Variants in KDM1A observed in about 807,000 individuals in gnomAD.
KDM1A encodes lysine-specific histone demethylase 1A.
In KDM1A, 49 loss-of-function variants were observed where a neutral mutation model predicts 109.4. That is an observed-to-expected ratio of 0.45 (90% confidence interval 0.36 to 0.57). The LOEUF (loss-of-function observed/expected upper bound fraction) is 0.57, where lower values mean the gene tolerates loss of function less well. KDM1A is among the 20% of genes least tolerant of loss of function. The pLI, the probability that KDM1A is intolerant of heterozygous loss-of-function variation, is 0.00. For synonymous variants in KDM1A, 380 were observed against 415.4 expected, an observed-to-expected ratio of 0.91 and a Z score of 1.04; for missense variants, 668 against 1,116.6, an observed-to-expected ratio of 0.60 and a Z score of 5.73.
At chr1:23,067,950 C>T (rs899846979) in intron 10 of KDM1A, among the ~76,000 whole-genome samples, 1 of 152,162 alleles carries the variant, frequency 6.6e-6, no homozygotes, top group African/African-American at 2.4e-5. Flanking sequence ...TTTGTACATT[C>T]AATTCTGAAC....
At chr1:23,064,747 C>A (rs567228509) in intron 9 of KDM1A, among the ~76,000 whole-genome samples, 5 of 152,188 alleles carry the variant, frequency 3.3e-5, no homozygotes, top group Non-Finnish European at 5.9e-5. Flanking sequence ...GCTTCCCTTC[C>A]CCTGGACACA....
At position 23,077,175 on chromosome 1, in the gene KDM1A, A is replaced by G. The variant is rs1643491741; in HGVS notation, c.1735-53A>G. 5 of 1,574,454 alleles carry G rather than the reference A, an allele frequency of 3.2e-6. No individual in the cohort carries two copies. The East Asian group carries it at 1.1e-4, about 36-fold the overall frequency. ...TTGTTGTTGTACAGAACTAGGTGCA[A>G]ATGACACAGATTAATAAAAGGTTGG... On this transcript the variant is annotated intron_variant, in intron 15 of 20. Transcript: ENST00000400181.
chr1:23,023,831 A>G (rs1379539521), intron 1 of KDM1A, among the ~76,000 whole-genome samples: 3 of 152,078 alleles, frequency 2.0e-5, no homozygotes, highest in Admixed American at 2.0e-4. Flanking sequence ...CTCCTACAAG[A>G]AAGATTTCTT....
chr1:23,063,231 G>GTGT (rs1643064367), intron 9 of KDM1A, among the ~76,000 whole-genome samples: 8 of 29,552 alleles, frequency 2.7e-4, no homozygotes, highest in African/African-American at 6.8e-4. Context: ...GGTGTGTGTG[G>GTGT]GTGTGTGTGT....
chr1:23,046,452 A>AT (rs1642506955), intron 3 of KDM1A, among the ~76,000 whole-genome samples: 1 of 152,138 alleles, frequency 6.6e-6, no homozygotes, highest in South Asian at 2.1e-4. Flanking sequence ...AAATCTAGTT[A>AT]TAGTTATCTA....
At chr1:23,042,929 AG>A (rs1642395761) in intron 2 of KDM1A, among the ~76,000 whole-genome samples, 1 of 150,998 alleles carries the variant, frequency 6.6e-6, no homozygotes. Flanking sequence ...TTGTGTTTTT[AG>A]TAGAAATAAG....
intron 2 of KDM1A, among the ~76,000 whole-genome samples, chr1:23,036,041 C>T (rs2124395378): frequency 6.6e-6 from 1 of 152,116 alleles, no homozygotes; most frequent in Non-Finnish European, 1.5e-5. Context: ...AGTTTGGCAG[C>T]ATAGATAGTA....
At chr1:23,076,964 CA>C (rs11406578) in intron 15 of KDM1A, among the ~76,000 whole-genome samples, 44 of 143,116 alleles carry the variant, frequency 3.1e-4, no homozygotes, top group Admixed American at 4.2e-4. Flanking sequence ...GACTCTGTAT[CA>C]AAAAAAAAAA....
At chr1:23,071,499 C>A in intron 13 of KDM1A, 140 bp downstream of exon 13, 1 of 723,724 alleles carries the variant, frequency 1.4e-6, no homozygotes, top group Non-Finnish European at 2.2e-6. Context: ...ACATAAGGAG[C>A]CATGGGGATT....
At chr1:23,065,917 G>A (rs1232301485) in intron 9 of KDM1A, 143 bp from the exon 10 acceptor site, 26 of 1,179,620 alleles carry the variant, frequency 2.2e-5, no homozygotes, top group Non-Finnish European at 2.8e-5. Context: ...TCTGGTGGTT[G>A]CAGCTTCTGA....
At chr1:23,027,722 T>G (rs1037317076) in intron 1 of KDM1A, among the ~76,000 whole-genome samples, 50 of 58,158 alleles carry the variant, frequency 8.6e-4, no homozygotes, top group African/African-American at 1.6e-3. Flanking sequence ...GCTCCCAGCC[T>G]TTTTTTTTTT....
At chr1:23,051,850 G>T (rs916124748) in intron 4 of KDM1A, among the ~76,000 whole-genome samples, 9 of 152,126 alleles carry the variant, frequency 5.9e-5, no homozygotes, top group Non-Finnish European at 1.0e-4. Context: ...GCTTAATTTC[G>T]ATTGTTAAAG....
chr1:23,075,120 A>G (rs1030752845), intron 15 of KDM1A, among the ~76,000 whole-genome samples: 5 of 152,240 alleles, frequency 3.3e-5, no homozygotes, highest in African/African-American at 4.8e-5. Flanking sequence ...CCTTAAATAC[A>G]GTATACTTCT....
At chr1:23,064,010 G>T (rs977626691) in intron 9 of KDM1A, among the ~76,000 whole-genome samples, 3 of 152,076 alleles carry the variant, frequency 2.0e-5, no homozygotes, top group African/African-American at 7.2e-5. Flanking sequence ...CCTCAGCCTC[G>T]TGAGTAGCTG....
chr1:23,049,481 C>T (rs185955811), intron 3 of KDM1A, among the ~76,000 whole-genome samples: 15 of 151,582 alleles, frequency 9.9e-5, no homozygotes, highest in Non-Finnish European at 2.1e-4. Context: ...GTCAGGAGTT[C>T]GAGACAAGCC....
intron 3 of KDM1A, among the ~76,000 whole-genome samples, chr1:23,045,671 GTTT>G (rs1200744423): frequency 6.8e-6 from 1 of 147,058 alleles, no homozygotes; most frequent in African/African-American, 2.5e-5. Context: ...TTTTGTTTCT[GTTT>G]TTTTTTTGTG....
intron 9 of KDM1A, among the ~76,000 whole-genome samples, chr1:23,063,231 GGT>G (rs755287896): frequency 0.24 from 7,006 of 29,534 alleles, 938 homozygotes; most frequent in Admixed American, 0.43. Flanking sequence ...GGTGTGTGTG[GGT>G]GTGTGTGTGT....
Position 23,037,394 on chromosome 1 carries a change from A to G in KDM1A, c.517+6760A>G, listed in dbSNP as rs186070198. Among the ~76,000 whole-genome samples the G allele has an allele frequency of 8.6e-4, 131 of 152,202 alleles. 1 individual carries two copies. Among genetic ancestry groups the G allele is most frequent in the African/African-American group, 3.0e-3 (124 of 41,546 alleles). ...AAGAAACTACAATAGAAATGTATAG[A>G]AAGTATGGTGAGAACTCAGAAGTTT... On this transcript the variant is annotated intron_variant, in intron 2 of 20. Coordinates refer to ENST00000400181, the MANE Select transcript of KDM1A (RefSeq NM_001009999.3).
chr1:23,028,870 T>C (rs1166389683), intron 1 of KDM1A, among the ~76,000 whole-genome samples: 2 of 152,170 alleles, frequency 1.3e-5, no homozygotes, highest in Non-Finnish European at 2.9e-5. Flanking sequence ...TAATTGCAAC[T>C]AGATTTTCAG....
Sources: allele counts gnomAD v4.1 joint callset (sites outside exome capture counted in the v4.1 genomes callset), GRCh38; gene constraint gnomAD v4.1.1; transcripts MANE v1.5; gene names NCBI Gene and HGNC (gene_info 2026-07-23, HGNC 2026-07-21).